Variants in CUL2 observed in about 807,000 individuals in gnomAD.
The protein encoded by CUL2 is cullin-2.
Under a neutral mutation model 110.2 loss-of-function variants are expected in CUL2, and 22 were observed. The ratio of observed to expected loss-of-function variants is 0.20; its 90% CI spans 0.14 to 0.28. CUL2 has a LOEUF of 0.28. CUL2 is among the 10% of genes least tolerant of loss of function. The probability of loss-of-function intolerance (pLI) is 1.00; values close to 1 mark genes in which losing one functional copy is unlikely to be tolerated. For missense variants in CUL2, 631 were observed against 905.5 expected, an observed-to-expected ratio of 0.70 and a Z score of 3.89; for synonymous variants, 279 against 293.2, an observed-to-expected ratio of 0.95 and a Z score of 0.49.
chr10:35,096,416 G>A (rs1003005059), intron 2 of CUL2, among the ~76,000 whole-genome samples: 4 of 151,984 alleles, frequency 2.6e-5, no homozygotes, highest in African/African-American at 9.7e-5. Context: ...ACCAGCCTGG[G>A]CAACAGAGCA....
At chr10:35,087,048 TGACA>T (rs2087082489) in intron 1 of CUL2, among the ~76,000 whole-genome samples, 1 of 152,162 alleles carries the variant, frequency 6.6e-6, no homozygotes, top group Non-Finnish European at 1.5e-5. Flanking sequence ...TATTCCCTAC[TGACA>T]ATTTTATATT....
At chr10:35,123,979 A>T (rs2087708765) in intron 1 of CUL2, among the ~76,000 whole-genome samples, 1 of 152,238 alleles carries the variant, frequency 6.6e-6, no homozygotes, top group South Asian at 2.1e-4. Flanking sequence ...TAGGGAGACA[A>T]AGATGAGTGA....
At chr10:35,063,145 T>A in intron 2 of CUL2, 83 bp from the exon 3 acceptor site, 1 of 787,746 alleles carries the variant, frequency 1.3e-6, no homozygotes, top group Non-Finnish European at 2.1e-6. Context: ...CATTAAAAAA[T>A]GAAAAAACAT....
intron 8 of CUL2, among the ~76,000 whole-genome samples, chr10:35,042,244 T>C (rs1476445881): frequency 1.3e-5 from 2 of 152,124 alleles, no homozygotes; most frequent in Non-Finnish European, 1.5e-5. Context: ...TTCCTATAAA[T>C]TGAACCACAG....
intron 1 of CUL2, among the ~76,000 whole-genome samples, chr10:35,124,484 C>T (rs1166354530): frequency 6.6e-6 from 1 of 151,522 alleles, no homozygotes; most frequent in South Asian, 2.1e-4. Context: ...AAATAACAAA[C>T]AAATGGGTGG....
At chr10:35,100,699 T>C (rs1254589618) in intron 2 of CUL2, 2 of 143,000 alleles carry the variant, frequency 1.4e-5, no homozygotes, top group Non-Finnish European at 3.0e-5. Flanking sequence ...GAGGCAGAGG[T>C]TGCAGTGAGT....
intron 19 of CUL2, 77 bp from the exon 20 acceptor site, chr10:35,012,041 T>G: frequency 2.5e-6 from 2 of 800,696 alleles, no homozygotes; most frequent in Non-Finnish European, 2.0e-6. Flanking sequence ...ATTTTATCAG[T>G]GAGTGCAAAT....
Position 35,089,532 on chromosome 10 carries a change from G to A in CUL2, c.-23+647C>T, listed in dbSNP as rs2087150550. On this transcript the variant is annotated intron_variant, in intron 1 of 20. Coordinates refer to ENST00000374749, the MANE Select transcript of CUL2 (RefSeq NM_003591.4). ...ACGCCCAGGGTACTGGCCTTCAACT[G>A]TTAATATTAATCCATGGGGCAAAGA... Among the ~76,000 whole-genome samples, 3 of 152,310 alleles carry A rather than the reference G, an allele frequency of 2.0e-5. No individual in the cohort carries two copies. The South Asian group carries it at 6.2e-4, about 32-fold the overall frequency.
At chr10:35,085,995 A>T (rs965115773) in intron 1 of CUL2, among the ~76,000 whole-genome samples, 1 of 152,138 alleles carries the variant, frequency 6.6e-6, no homozygotes, top group Non-Finnish European at 1.5e-5. Flanking sequence ...TACCTCCTGA[A>T]TCTAAAATGA....
chr10:35,065,845 G>A (rs939572262), intron 2 of CUL2, among the ~76,000 whole-genome samples: 1 of 152,008 alleles, frequency 6.6e-6, no homozygotes, highest in Admixed American at 6.6e-5. Context: ...GCAACAGAGC[G>A]AGACACCATC....
At chr10:35,066,605 G>C (rs532739096) in intron 2 of CUL2, among the ~76,000 whole-genome samples, 1 of 152,308 alleles carries the variant, frequency 6.6e-6, no homozygotes, top group South Asian at 2.1e-4. Context: ...CGCCAGATTT[G>C]CTGGCATTTC....
intron 5 of CUL2, 107 bp from the exon 6 acceptor site, chr10:35,049,872 C>T: frequency 1.6e-6 from 1 of 638,258 alleles, no homozygotes; most frequent in East Asian, 2.9e-5. Context: ...AGTATTTATA[C>T]TAATACTTCA....
At chr10:35,071,428 G>A (rs574583912) in intron 1 of CUL2, 89 bp from the exon 2 acceptor site, 31 of 1,163,666 alleles carry the variant, frequency 2.7e-5, no homozygotes, top group East Asian at 7.5e-5. Context: ...GCTTTGAGAC[G>A]GAGTCTCGCT....
chr10:35,036,373 G>C (rs1231574579), intron 9 of CUL2, among the ~76,000 whole-genome samples: 1 of 152,184 alleles, frequency 6.6e-6, no homozygotes, highest in Admixed American at 6.5e-5. Context: ...AGTTTATGGA[G>C]CTATTACAAA....
rs1307571944 is a variant in CUL2 at position 35,049,727 on chromosome 10, T to G, written c.462A>C (p.Pro154=). 1 of 1,613,636 alleles carries G rather than the reference T, an allele frequency of 6.2e-7. No individual in the cohort carries two copies. The highest frequency in any genetic ancestry group is 8.5e-7 in the Non-Finnish European group (1 of 1,179,798). The change falls in exon 6 of 21, where the codon CCA becomes CCC. Residue 154 remains proline, a synonymous_variant. Coordinates refer to ENST00000374749, the MANE Select transcript of CUL2 (RefSeq NM_003591.4). ...LDMWRKLMVE[P]LQAILIRMLL... is the part of the protein sequence containing the mutation. ...GCATTCGGATAAGGATGGCCTGAAG[T>G]GGTTCAACCATCAATTTCCTCCACA... is the stretch of plus-strand genomic sequence containing the variant.
chr10:35,043,261 T>A (rs2134793532), intron 8 of CUL2, among the ~76,000 whole-genome samples: 4 of 152,258 alleles, frequency 2.6e-5, no homozygotes, highest in Admixed American at 2.6e-4. Context: ...GTATCACAGA[T>A]AATCTGTGTG....
At chr10:35,107,608 C>T (rs879913842) in intron 1 of CUL2, among the ~76,000 whole-genome samples, 5 of 151,872 alleles carry the variant, frequency 3.3e-5, no homozygotes, top group East Asian at 1.9e-4. Context: ...TTGGGCCTGG[C>T]GCGGTGGCTC....
intron 1 of CUL2, among the ~76,000 whole-genome samples, chr10:35,121,879 G>T (rs34954932): frequency 0.34 from 51,705 of 151,714 alleles, 8,831 homozygotes; most frequent in South Asian, 0.35. Context: ...AATAATTCAG[G>T]AGCTTGGGTT....
chr10:35,074,339 C>G (rs1191389032), intron 1 of CUL2: 18 of 722,900 alleles, frequency 2.5e-5, no homozygotes, highest in Non-Finnish European at 2.4e-6. Flanking sequence ...ACATCATAAT[C>G]TAGGAACTTC....
Sources: allele counts gnomAD v4.1 joint callset (sites outside exome capture counted in the v4.1 genomes callset), GRCh38; gene constraint gnomAD v4.1.1; transcripts MANE v1.5; gene names NCBI Gene and HGNC (gene_info 2026-07-23, HGNC 2026-07-21).